Variants in CSMD1 observed in about 807,000 individuals in gnomAD.
CSMD1 encodes CUB and Sushi multiple domains 1.
In CSMD1, 213 loss-of-function variants were observed where a neutral mutation model predicts 417.5. That is an observed-to-expected ratio of 0.51 (90% CI 0.46 to 0.57). The LOEUF (loss-of-function observed/expected upper bound fraction) is 0.57, where lower values mean the gene tolerates loss of function less well. CSMD1 is among the 20% of genes least tolerant of loss of function. The probability of loss-of-function intolerance (pLI) is 0.00; values close to 1 mark genes in which losing one functional copy is unlikely to be tolerated. For missense variants in CSMD1, 6,923 were observed against 4,529.7 expected (o/e 1.53, Z -15.17); for synonymous variants, 2,862 against 1,736.8 (o/e 1.65, Z -16.11).
chr8:4,399,760 A>G (rs976232388), intron 3 of CSMD1, among the ~76,000 whole-genome samples: 1 of 152,144 alleles, frequency 6.6e-6, no homozygotes, highest in Non-Finnish European at 1.5e-5. Context: ...CAGGCTCCTG[A>G]ATTTTCCTCA....
rs200286539 is a variant in CSMD1, at chr8:4,395,529, G to GTTT, written c.415+24421_415+24423dup. Reference sequence around the variant, plus strand: ...TCCCTACACCAGTTCCCCACCTACTGTTTTTTTTTTGCCTGTCGTGGAGCT... The same window carrying GTTT: ...TCCCTACACCAGTTCCCCACCTACTGTTTTTTTTTTTTTGCCTGTCGTGGAGCT... On this transcript the variant is annotated intron_variant, in intron 3 of 69. Transcript: ENST00000635120. Among the ~76,000 whole-genome samples the GTTT allele has an allele frequency of 2.4e-4, 36 of 147,214 alleles. No homozygotes were observed. In the East Asian group the frequency reaches 6.2e-3, roughly 25 times the overall value.
chr8:4,199,673 G>A (rs1324249646), intron 3 of CSMD1, among the ~76,000 whole-genome samples: 3 of 152,122 alleles, frequency 2.0e-5, no homozygotes, highest in African/African-American at 7.2e-5. Flanking sequence ...AGGCTGGACA[G>A]GCAAGGCAGT....
chr8:4,063,439 T>C (rs1031360087), intron 3 of CSMD1, among the ~76,000 whole-genome samples: 1 of 152,198 alleles, frequency 6.6e-6, no homozygotes, highest in African/African-American at 2.4e-5. Flanking sequence ...ATGAATACAA[T>C]GTCCTTAGAA....
At chr8:4,892,433 T>C (rs544980542) in intron 1 of CSMD1, among the ~76,000 whole-genome samples, 1 of 152,122 alleles carries the variant, frequency 6.6e-6, no homozygotes, top group African/African-American at 2.4e-5. Flanking sequence ...CTACTGCAAA[T>C]AGAGATTATA....
At chr8:4,475,757 C>T (rs544829157) in intron 2 of CSMD1, among the ~76,000 whole-genome samples, 20 of 152,116 alleles carry the variant, frequency 1.3e-4, no homozygotes, top group South Asian at 6.2e-4. Flanking sequence ...GGATTACAGG[C>T]GTGCACCACC....
chr8:4,485,414 C>T (rs56091849), intron 2 of CSMD1, among the ~76,000 whole-genome samples: 11,143 of 152,212 alleles, frequency 0.073, 538 homozygotes, highest in Non-Finnish European at 0.11. Flanking sequence ...GATAAACTGA[C>T]TCTCACAGAG....
chr8:4,404,972 C>G (rs1804907624), intron 3 of CSMD1, among the ~76,000 whole-genome samples: 1 of 152,174 alleles, frequency 6.6e-6, no homozygotes, highest in Non-Finnish European at 1.5e-5. Flanking sequence ...AACCGAGGCA[C>G]AAGAGGATTA....
chr8:3,682,487 A>G (rs948799730), intron 7 of CSMD1, among the ~76,000 whole-genome samples: 4 of 152,196 alleles, frequency 2.6e-5, no homozygotes, highest in Non-Finnish European at 4.4e-5. Flanking sequence ...CACAACCACA[A>G]TGAGATACCA....
chr8:4,496,783 G>C (rs549581585), intron 2 of CSMD1, among the ~76,000 whole-genome samples: 1 of 152,276 alleles, frequency 6.6e-6, no homozygotes, highest in East Asian at 1.9e-4. Context: ...CATTTCCTTA[G>C]AGCTGAGACA....
At chr8:4,219,554 T>C (rs1366060850) in intron 3 of CSMD1, among the ~76,000 whole-genome samples, 1 of 1,312 alleles carries the variant, frequency 7.6e-4, no homozygotes. Context: ...TATGCTTATG[T>C]TAAAAAAAAA....
chr8:3,862,172 C>T lies in CSMD1; in HGVS notation c.819-108130G>A, dbSNP rs114092859. ...AGTTCTCTATTGCCTTCTACCTATA[C>T]AACATCATAGCAGGTTTTTCTAACT... On this transcript the variant is annotated intron_variant, in intron 5 of 69. Coordinates refer to ENST00000635120, the MANE Select transcript of CSMD1 (RefSeq NM_033225.6). 9.2e-4 allele frequency among the ~76,000 whole-genome samples: 140 copies of T among 152,300 alleles called. 2 individuals are homozygous for T. Among genetic ancestry groups the T allele is most frequent in the African/African-American group, 2.9e-3 (120 of 41,570 alleles).
At chr8:3,819,063 G>A (rs1212054528) in intron 5 of CSMD1, among the ~76,000 whole-genome samples, 2 of 152,168 alleles carry the variant, frequency 1.3e-5, no homozygotes, top group African/African-American at 4.8e-5. Context: ...GTAGGAAAAT[G>A]GCACAGCTTC....
In CSMD1 at chr8:4,799,087, G is replaced by C. The variant is rs998237196; in HGVS notation, c.86-161529C>G. Among the ~76,000 whole-genome samples the C allele has an allele frequency of 6.6e-5, 10 of 152,138 alleles. No individual in the cohort carries two copies. In the East Asian group the frequency reaches 1.5e-3, roughly 24 times the overall value. On this transcript the variant is annotated intron_variant, in intron 1 of 69. Transcript: ENST00000635120. Reference sequence around the variant, plus strand: ...CAGGGCTTGCATTGGCCGACCCTGCGCATCTTTCCTTCCGGGCCATGGGTC... The same window carrying C: ...CAGGGCTTGCATTGGCCGACCCTGCCCATCTTTCCTTCCGGGCCATGGGTC...
chr8:3,965,648 C>A (rs746108670), intron 5 of CSMD1, among the ~76,000 whole-genome samples: 2 of 152,022 alleles, frequency 1.3e-5, no homozygotes, highest in African/African-American at 4.8e-5. Context: ...AATGGAGTCT[C>A]ACCCTGTCGC....
intron 1 of CSMD1, among the ~76,000 whole-genome samples, chr8:4,779,894 C>T (rs1479488324): frequency 6.6e-6 from 1 of 151,886 alleles, no homozygotes; most frequent in Non-Finnish European, 1.5e-5. Context: ...CGGGGCCTTG[C>T]TTTTTCTTTT....
At chr8:4,378,108 C>A (rs563759761) in intron 3 of CSMD1, among the ~76,000 whole-genome samples, 2 of 152,150 alleles carry the variant, frequency 1.3e-5, no homozygotes, top group Non-Finnish European at 2.9e-5. Flanking sequence ...ACACAGAAGC[C>A]AAATTTTACG....
At chr8:4,112,107 T>A (rs1801887403) in intron 3 of CSMD1, among the ~76,000 whole-genome samples, 1 of 152,144 alleles carries the variant, frequency 6.6e-6, no homozygotes, top group African/African-American at 2.4e-5. Context: ...GGAACCACAT[T>A]AGCCCACAAG....
At chr8:3,738,343 T>G (rs1319448682) in intron 6 of CSMD1, among the ~76,000 whole-genome samples, 1 of 152,216 alleles carries the variant, frequency 6.6e-6, no homozygotes, top group Non-Finnish European at 1.5e-5. Context: ...GTACAATGCA[T>G]ACAGGCATTG....
chr8:4,107,383 A>C (rs17069018), intron 3 of CSMD1, among the ~76,000 whole-genome samples: 1 of 152,108 alleles, frequency 6.6e-6, no homozygotes, highest in Non-Finnish European at 1.5e-5. Context: ...AGTCCTCTCT[A>C]TACAAAAATC....
Sources: allele counts gnomAD v4.1 joint callset (sites outside exome capture counted in the v4.1 genomes callset), GRCh38; gene constraint gnomAD v4.1.1; transcripts MANE v1.5; gene names NCBI Gene and HGNC (gene_info 2026-07-23, HGNC 2026-07-21).